NAALADL2: variants seen among roughly 807,000 people sequenced by gnomAD.
The protein encoded by NAALADL2 is N-acetylated alpha-linked acidic dipeptidase like 2, also known as inactive N-acetylated-alpha-linked acidic dipeptidase-like protein 2.
Under a neutral mutation model 87.2 loss-of-function variants are expected in NAALADL2, and 76 were observed. The observed-to-expected ratio is 0.87, with a 90% confidence interval of 0.72 to 1.05. The LOEUF is 1.05. NAALADL2 is among the 50% of genes least tolerant of loss of function. The probability of loss-of-function intolerance (pLI) is 0.00; values close to 1 mark genes in which losing one functional copy is unlikely to be tolerated. For missense variants in NAALADL2, 1,089 were observed against 945.8 expected (o/e 1.15, Z -1.99); for synonymous variants, 354 against 331.0 (o/e 1.07, Z -0.75).
chr3:174,731,783 A>G (rs1008307990), intron 2 of NAALADL2, among the ~76,000 whole-genome samples: 3 of 152,132 alleles, frequency 2.0e-5, no homozygotes, highest in Admixed American at 6.6e-5. Context: ...TTTAAGACCC[A>G]CTGGGTTATG....
At chr3:174,837,232 T>C (rs191163344) in intron 3 of NAALADL2, among the ~76,000 whole-genome samples, 13 of 152,132 alleles carry the variant, frequency 8.5e-5, no homozygotes, top group Admixed American at 6.5e-4. Flanking sequence ...ATAAATACAA[T>C]TGATAGACAT....
intron 10 of NAALADL2, among the ~76,000 whole-genome samples, chr3:175,626,628 T>C (rs1350534000): frequency 6.6e-6 from 1 of 151,880 alleles, no homozygotes; most frequent in Non-Finnish European, 1.5e-5. Flanking sequence ...TTCCTTGCTT[T>C]CTTTCCTGTA....
intron 2 of NAALADL2, among the ~76,000 whole-genome samples, chr3:175,102,084 A>C (rs1021282917): frequency 4.6e-5 from 7 of 152,194 alleles, no homozygotes; most frequent in Non-Finnish European, 8.8e-5. Flanking sequence ...ATCACTTTTC[A>C]AGCCAATAAA....
chr3:175,651,477 C>T (rs1465649687), intron 11 of NAALADL2, among the ~76,000 whole-genome samples: 1 of 152,064 alleles, frequency 6.6e-6, no homozygotes. Flanking sequence ...TGGAGAGGTT[C>T]TTATCACAGC....
chr3:175,770,573 C>G (rs751766473), intron 13 of NAALADL2, among the ~76,000 whole-genome samples: 1 of 152,158 alleles, frequency 6.6e-6, no homozygotes, highest in Non-Finnish European at 1.5e-5. Context: ...GTAATCTACT[C>G]TTTATGCAAT....
At chr3:175,392,429 A>C (rs1289355004) in intron 5 of NAALADL2, among the ~76,000 whole-genome samples, 1 of 152,200 alleles carries the variant, frequency 6.6e-6, no homozygotes, top group Non-Finnish European at 1.5e-5. Context: ...CATTCTAGTG[A>C]AATAAGAATT....
chr3:174,973,486 T>G (rs981084751), intron 1 of NAALADL2, among the ~76,000 whole-genome samples: 14 of 152,214 alleles, frequency 9.2e-5, no homozygotes, highest in African/African-American at 1.9e-4. Context: ...TAGCTCTAAT[T>G]GATATTTGTT....
chr3:175,635,726 AT>A (rs11368668), intron 11 of NAALADL2, among the ~76,000 whole-genome samples: 1 of 151,642 alleles, frequency 6.6e-6, no homozygotes, highest in African/African-American at 2.4e-5. Flanking sequence ...TAATTTCTGC[AT>A]TTTTTCCTCC....
At position 174,963,916 on chromosome 3, in the gene NAALADL2, G is replaced by T. The variant is rs1277230484; in HGVS notation, c.43+104466G>T. Among the ~76,000 whole-genome samples the T allele has an allele frequency of 2.6e-5, 4 of 151,752 alleles. No homozygotes were observed. In the East Asian group the frequency reaches 7.7e-4, roughly 29 times the overall value. Reference sequence around the variant, plus strand: ...TGAAGAAAGAAGATAATCATTTGTTGCATTTTCTGACAATGTAAATAATGT... The same window carrying T: ...TGAAGAAAGAAGATAATCATTTGTTTCATTTTCTGACAATGTAAATAATGT... On this transcript the variant is annotated intron_variant, in intron 1 of 13. Transcript: ENST00000454872.
intron 3 of NAALADL2, among the ~76,000 whole-genome samples, chr3:174,756,672 A>G (rs966409193): frequency 2.6e-5 from 4 of 152,162 alleles, no homozygotes; most frequent in African/African-American, 9.7e-5. Context: ...ACTGAGGGAG[A>G]AGCAGCACAT....
chr3:175,389,194 GT>G (rs1289525361), intron 5 of NAALADL2, among the ~76,000 whole-genome samples: 1 of 152,092 alleles, frequency 6.6e-6, no homozygotes, highest in African/African-American at 2.4e-5. Context: ...ACAGTGTACA[GT>G]TGGAATTTTA....
At chr3:174,932,764 T>C (rs1737106813) in intron 1 of NAALADL2, among the ~76,000 whole-genome samples, 1 of 152,214 alleles carries the variant, frequency 6.6e-6, no homozygotes, top group Non-Finnish European at 1.5e-5. Flanking sequence ...CTATGATTTA[T>C]AGTGATATGG....
chr3:175,741,425 T>A (rs1745222912), intron 12 of NAALADL2, among the ~76,000 whole-genome samples: 1 of 152,086 alleles, frequency 6.6e-6, no homozygotes, highest in African/African-American at 2.4e-5. Flanking sequence ...GGGGTTAGAT[T>A]TAAACATGAA....
intron 11 of NAALADL2, among the ~76,000 whole-genome samples, chr3:175,686,101 G>T (rs1249777462): frequency 2.0e-5 from 3 of 152,064 alleles, no homozygotes; most frequent in Non-Finnish European, 2.9e-5. Flanking sequence ...ATGTCTAATG[G>T]TTCCTCATCC....
chr3:175,174,795 A>G (rs79397485), intron 2 of NAALADL2, among the ~76,000 whole-genome samples: 4,297 of 131,268 alleles, frequency 0.033, 188 homozygotes, highest in African/African-American at 0.1. Context: ...GTGTATATAT[A>G]TGTGTGTGTG....
At chr3:174,977,981 A>T (rs1020547729) in intron 1 of NAALADL2, among the ~76,000 whole-genome samples, 10 of 152,224 alleles carry the variant, frequency 6.6e-5, no homozygotes, top group Middle Eastern at 3.2e-3. Context: ...GTTCAAAGAA[A>T]GTTTATTTAA....
At position 175,678,165 on chromosome 3, in the gene NAALADL2, T is replaced by C. The variant is rs556254199; in HGVS notation, c.1896+50779T>C. On this transcript the variant is annotated intron_variant, in intron 11 of 13. Coordinates refer to ENST00000454872, the MANE Select transcript of NAALADL2 (RefSeq NM_207015.3). ...CTCTTAAAAATGTATATTTTATCATTGAAAATACAAACAGGAATATCTTTT... is the reference window on the plus strand; with the variant it reads ...CTCTTAAAAATGTATATTTTATCATCGAAAATACAAACAGGAATATCTTTT... 2.6e-5 allele frequency among the ~76,000 whole-genome samples: 4 copies of C among 152,342 alleles called. No homozygotes were observed. In the South Asian group the frequency reaches 8.3e-4, roughly 32 times the overall value.
intron 5 of NAALADL2, among the ~76,000 whole-genome samples, chr3:175,365,766 T>C (rs1300080777): frequency 2.0e-5 from 3 of 147,616 alleles, no homozygotes; most frequent in African/African-American, 7.4e-5. Context: ...CTTTGATGTA[T>C]TTTCAATGGA....
chr3:174,536,390 G>GGA (rs1721727838), intron 1 of NAALADL2, among the ~76,000 whole-genome samples: 3 of 152,058 alleles, frequency 2.0e-5, no homozygotes, highest in Non-Finnish European at 4.4e-5. Context: ...CTTCTTGTTG[G>GGA]GTGAAAGTGT....
Sources: gnomAD v4.1 joint callset for allele counts (sites outside exome capture counted in the v4.1 genomes callset) on GRCh38, gnomAD v4.1.1 for gene constraint, MANE v1.5 for transcripts, NCBI Gene and HGNC (gene_info 2026-07-23, HGNC 2026-07-21) for gene names.